Variants in MBNL3 observed in about 807,000 individuals in gnomAD.
MBNL3 encodes muscleblind-like protein 3.
In MBNL3, 6 loss-of-function variants were observed where a neutral mutation model predicts 24.5. That is an observed-to-expected ratio of 0.25 (90% CI 0.13 to 0.48). The LOEUF is 0.48. Ranked by LOEUF, MBNL3 falls within the 20% of genes least tolerant of loss-of-function variation. The pLI, the probability that MBNL3 is intolerant of heterozygous loss-of-function variation, is 0.99. For missense variants in MBNL3, 230 were observed against 293.5 expected, an observed-to-expected ratio of 0.78 and a Z score of 1.58; for synonymous variants, 100 against 101.7, an observed-to-expected ratio of 0.98 and a Z score of 0.10.
chrX:132,378,753 T>C lies in MBNL3; in HGVS notation c.*913A>G, dbSNP rs1934382932. On this transcript the variant is annotated 3_prime_UTR_variant, in exon 9 of 9. Transcript: ENST00000370853. ...CAAGCCACACACACAAAAAATCTAATGAGCACTTTACATAATTTTTAGTAT... is the reference window on the plus strand; with the variant it reads ...CAAGCCACACACACAAAAAATCTAACGAGCACTTTACATAATTTTTAGTAT... 1.8e-5 allele frequency: 2 copies of C among 112,112 alleles called. No individual in the cohort carries two copies. Among genetic ancestry groups the C allele is most frequent in the African/African-American group, 6.5e-5 (2 of 30,885 alleles). The allele number at this position is 112,112 out of a possible 1,213,427, so 9.2% of individuals were successfully genotyped here.
chrX:132,458,696 C>G (rs1015296041), intron 1 of MBNL3, among the ~76,000 whole-genome samples: 3 of 110,765 alleles, frequency 2.7e-5, no homozygotes, highest in Admixed American at 9.6e-5. Context: ...CTTAAAGGCC[C>G]CACTGCCTCT....
chrX:132,387,427 T>C (rs1936303578), intron 5 of MBNL3, among the ~76,000 whole-genome samples: 1 of 111,211 alleles, frequency 9.0e-6, no homozygotes, highest in Non-Finnish European at 1.9e-5. Context: ...AACAATCATT[T>C]ATAATTAATA....
At chrX:132,464,559 C>CA (rs142472171) in intron 1 of MBNL3, among the ~76,000 whole-genome samples, 29 of 111,428 alleles carry the variant, frequency 2.6e-4, no homozygotes, top group East Asian at 5.6e-4. Context: ...CTTAAAACAC[C>CA]AAAAAAACAT....
At chrX:132,455,729 T>G (rs1446873551) in intron 1 of MBNL3, among the ~76,000 whole-genome samples, 1 of 112,090 alleles carries the variant, frequency 8.9e-6, no homozygotes, top group African/African-American at 3.2e-5. Context: ...ACAGCTCATA[T>G]TCATGTTGGA....
chrX:132,385,027 T>C lies in MBNL3; in HGVS notation c.923-329A>G, dbSNP rs1025488868. Among the ~76,000 whole-genome samples, 5 of 111,567 alleles carry C rather than the reference T, an allele frequency of 4.5e-5. No homozygotes were observed. In the East Asian group the frequency reaches 8.4e-4, roughly 19 times the overall value. On this transcript the variant is annotated intron_variant, in intron 6 of 8. Coordinates refer to ENST00000370853, the MANE Select transcript of MBNL3 (RefSeq NM_001386889.1). Reference sequence around the variant, plus strand: ...AGAGAATTTTAATTTATTACACATATCATTTTCTAAATATGCTCCAGAATC... The same window carrying C: ...AGAGAATTTTAATTTATTACACATACCATTTTCTAAATATGCTCCAGAATC...
intron 2 of MBNL3, among the ~76,000 whole-genome samples, chrX:132,408,452 C>T (rs1942218408): frequency 1.8e-5 from 2 of 109,838 alleles, no homozygotes; most frequent in African/African-American, 6.6e-5. Context: ...CTTTCATATT[C>T]AGGAATTCCA....
At chrX:132,430,523 C>T (rs1944645827) in intron 2 of MBNL3, 1 of 111,852 alleles carries the variant, frequency 8.9e-6, no homozygotes, top group South Asian at 3.8e-4. Context: ...CCTTGTCTTT[C>T]ATGACCATGA....
chrX:132,468,010 A>G (rs992475446), intron 1 of MBNL3, among the ~76,000 whole-genome samples: 3 of 112,164 alleles, frequency 2.7e-5, no homozygotes, highest in African/African-American at 9.7e-5. Flanking sequence ...AGCAAGACAG[A>G]CTGCAAGTCA....
intron 3 of MBNL3, among the ~76,000 whole-genome samples, chrX:132,405,391 C>G (rs1361275129): frequency 1.8e-5 from 2 of 111,130 alleles, no homozygotes; most frequent in African/African-American, 6.6e-5. Context: ...CTGGGGAAAT[C>G]TGAATAAAGT....
rs770633490 is a variant in MBNL3 at position 132,424,909 on chromosome X, T to C, written c.177+14526A>G. Among the ~76,000 whole-genome samples the C allele has an allele frequency of 3.6e-5, 4 of 110,872 alleles. No individual in the cohort carries two copies. The East Asian group carries it at 1.1e-3, about 31-fold the overall frequency. ...ATAAGTGAAACATATTTAAATGTTT[T>C]ATCATTTCAAAGATGAAGTAAATGT... On this transcript the variant is annotated intron_variant, in intron 2 of 8. Coordinates refer to ENST00000370853, the MANE Select transcript of MBNL3 (RefSeq NM_001386889.1).
chrX:132,399,865 T>C (rs1291069434), intron 3 of MBNL3, among the ~76,000 whole-genome samples: 1 of 108,965 alleles, frequency 9.2e-6, no homozygotes, highest in Admixed American at 9.9e-5. Context: ...TCATTTGTGA[T>C]CAACAGCAAG....
At chrX:132,423,375 A>C (rs951839741) in intron 2 of MBNL3, among the ~76,000 whole-genome samples, 3 of 111,272 alleles carry the variant, frequency 2.7e-5, no homozygotes, top group African/African-American at 9.8e-5. Flanking sequence ...GCTCTCCAAT[A>C]AACTCACACC....
intron 1 of MBNL3, among the ~76,000 whole-genome samples, chrX:132,471,260 G>A (rs754823807): frequency 5.4e-5 from 6 of 111,606 alleles, no homozygotes; most frequent in East Asian, 5.6e-4. Flanking sequence ...AGTTAGACCC[G>A]CTCTGAAACT....
At chrX:132,403,424 G>A (rs5933154) in intron 3 of MBNL3, among the ~76,000 whole-genome samples, 11,748 of 111,392 alleles carry the variant, frequency 0.11, 564 homozygotes, top group Non-Finnish European at 0.15. Context: ...GGTCTTCTAA[G>A]TAATGCCTTG....
chrX:132,379,863 A>T (rs1934529655), intron 8 of MBNL3, among the ~76,000 whole-genome samples, 186 bp from the exon 9 acceptor site: 1 of 111,565 alleles, frequency 9.0e-6, no homozygotes, highest in Admixed American at 9.5e-5. Flanking sequence ...CCATATATCT[A>T]TGATAGTCTA....
At chrX:132,409,482 T>C (rs1196981025) in intron 2 of MBNL3, among the ~76,000 whole-genome samples, 2 of 111,648 alleles carry the variant, frequency 1.8e-5, no homozygotes, top group Admixed American at 1.9e-4. Flanking sequence ...CCCTATCACA[T>C]TGGGTCTATA....
chrX:132,426,823 A>G (rs1006853564), intron 2 of MBNL3, among the ~76,000 whole-genome samples: 2 of 112,349 alleles, frequency 1.8e-5, no homozygotes, highest in African/African-American at 6.5e-5. Flanking sequence ...CTAACTTTGT[A>G]TTCTCCACAT....
chrX:132,487,456 G>C (rs1948068597), intron 1 of MBNL3, among the ~76,000 whole-genome samples: 2 of 112,417 alleles, frequency 1.8e-5, no homozygotes, highest in South Asian at 7.2e-4. Flanking sequence ...TTTGTTTCTA[G>C]GTAGACTACA....
intron 1 of MBNL3, among the ~76,000 whole-genome samples, chrX:132,484,179 C>G (rs1236104488): frequency 9.0e-6 from 1 of 111,685 alleles, no homozygotes; most frequent in Non-Finnish European, 1.9e-5. Context: ...GCTTGCATCT[C>G]CCTGGACTTG....
Sources: allele counts gnomAD v4.1 joint callset (sites outside exome capture counted in the v4.1 genomes callset), GRCh38; gene constraint gnomAD v4.1.1; transcripts MANE v1.5; gene names NCBI Gene and HGNC (gene_info 2026-07-23, HGNC 2026-07-21).